NEK1: variants seen among roughly 807,000 people sequenced by gnomAD.
The protein encoded by NEK1 is NIMA related kinase 1, also known as serine/threonine-protein kinase Nek1.
NEK1 carries 137 observed loss-of-function variants against 182.1 expected under a neutral mutation model. The ratio of observed to expected loss-of-function variants is 0.75; its 90% CI spans 0.65 to 0.87. NEK1 has a LOEUF of 0.87. NEK1 is among the 40% of genes least tolerant of loss of function. The probability of loss-of-function intolerance (pLI) is 0.00; values close to 1 mark genes in which losing one functional copy is unlikely to be tolerated. For synonymous variants in NEK1, 513 were observed against 492.2 expected (o/e 1.04, Z -0.56); for missense variants, 1,391 against 1,494.4 (o/e 0.93, Z 1.14).
At chr4:169,607,896 T>C (rs894699678) in intron 2 of NEK1, among the ~76,000 whole-genome samples, 77 of 151,934 alleles carry the variant, frequency 5.1e-4, no homozygotes, top group African/African-American at 1.7e-3. Context: ...AATGAACCAA[T>C]AGAAAATATT....
chr4:169,446,222 C>T (rs114650739), intron 27 of NEK1, among the ~76,000 whole-genome samples: 2,201 of 151,426 alleles, frequency 0.015, 46 homozygotes, highest in African/African-American at 0.05. Context: ...ATCAAACAGA[C>T]ACTAAAAAAA....
At chr4:169,420,348 A>C (rs1386234896) in intron 31 of NEK1, among the ~76,000 whole-genome samples, 1 of 152,178 alleles carries the variant, frequency 6.6e-6, no homozygotes, top group African/African-American at 2.4e-5. Context: ...ACTCCAAAAT[A>C]ATGATAAAAA....
At chr4:169,477,780 T>C (rs111581467) in intron 24 of NEK1, among the ~76,000 whole-genome samples, 286 of 152,102 alleles carry the variant, frequency 1.9e-3, no homozygotes, top group African/African-American at 6.7e-3. Flanking sequence ...TGGTACCTGA[T>C]TTTTTGGTAA....
chr4:169,425,715 G>A (rs866975655), intron 30 of NEK1, among the ~76,000 whole-genome samples: 4 of 151,882 alleles, frequency 2.6e-5, no homozygotes, highest in African/African-American at 9.7e-5. Flanking sequence ...ATGGAGTAGC[G>A]CTATGTTGTC....
Position 169,561,484 on chromosome 4 carries a change from A to C in NEK1, c.1262T>G (p.Val421Gly). ...ATATTGGTATAAAATGCCTACCTTT[A>C]CTTCACCACTTCCACCAGCACTTAG... ...NVLSAGGSGE[V>G]KAPFLGSGGT... is the part of the protein sequence containing the mutation. Residue 421 changes from valine (V) to glycine (G), a missense_variant, in exon 16 of 36, where the codon GTA becomes GGA. Coordinates refer to ENST00000507142, the MANE Select transcript of NEK1 (RefSeq NM_001199397.3). 6.2e-7 allele frequency: 1 copy of C among 1,613,366 alleles called. No homozygotes were observed.
At chr4:169,506,236 TACA>T (rs1391054164) in intron 23 of NEK1, among the ~76,000 whole-genome samples, 1 of 152,126 alleles carries the variant, frequency 6.6e-6, no homozygotes, top group Admixed American at 6.5e-5. Context: ...TAATTACTAA[TACA>T]ACGAGGTACT....
intron 23 of NEK1, among the ~76,000 whole-genome samples, chr4:169,491,833 G>GT (rs1161749448): frequency 6.6e-6 from 1 of 152,188 alleles, no homozygotes; most frequent in African/African-American, 2.4e-5. Flanking sequence ...AGTCCAAAAT[G>GT]TAAAAAGGTA....
chr4:169,403,691 T>C (rs970341950), intron 32 of NEK1, among the ~76,000 whole-genome samples: 3 of 152,186 alleles, frequency 2.0e-5, no homozygotes, highest in Non-Finnish European at 4.4e-5. Flanking sequence ...CCTAGAGGAA[T>C]TAGTACCCTC....
At chr4:169,504,886 T>C (rs928984939) in intron 23 of NEK1, among the ~76,000 whole-genome samples, 17 of 152,174 alleles carry the variant, frequency 1.1e-4, no homozygotes, top group African/African-American at 3.6e-4. Context: ...CTCGATTGTT[T>C]GAAATGCAAA....
intron 27 of NEK1, among the ~76,000 whole-genome samples, chr4:169,445,285 G>A (rs1456531809): frequency 6.6e-6 from 1 of 151,998 alleles, no homozygotes; most frequent in African/African-American, 2.4e-5. Flanking sequence ...AAAAATAGCT[G>A]GTCATGGTGG....
At chr4:169,478,712 T>C (rs1189436492) in intron 24 of NEK1, among the ~76,000 whole-genome samples, 1 of 151,950 alleles carries the variant, frequency 6.6e-6, no homozygotes, top group Admixed American at 6.6e-5. Context: ...AAGGGGAAAA[T>C]GAAGTTATTA....
intron 26 of NEK1, among the ~76,000 whole-genome samples, chr4:169,472,229 C>A (rs1746123470): frequency 6.6e-6 from 1 of 152,120 alleles, no homozygotes; most frequent in Admixed American, 6.5e-5. Context: ...AAACGGCCAT[C>A]CAGTTTTATG....
intron 23 of NEK1, among the ~76,000 whole-genome samples, chr4:169,499,252 C>G (rs1396162199): frequency 6.6e-6 from 1 of 152,184 alleles, no homozygotes; most frequent in Non-Finnish European, 1.5e-5. Flanking sequence ...TCAGCTCCAT[C>G]AGGTTCTTTA....
chr4:169,453,970 A>C (rs1742345372), intron 27 of NEK1, among the ~76,000 whole-genome samples: 1 of 152,178 alleles, frequency 6.6e-6, no homozygotes, highest in African/African-American at 2.4e-5. Context: ...TGGTACTGGT[A>C]CCAAAACAGA....
At chr4:169,406,122 T>C (rs1579334472) in intron 32 of NEK1, among the ~76,000 whole-genome samples, 2 of 152,016 alleles carry the variant, frequency 1.3e-5, no homozygotes, top group African/African-American at 4.8e-5. Context: ...TTTTTTTTTG[T>C]AGAGATGGTG....
intron 12 of NEK1, among the ~76,000 whole-genome samples, chr4:169,571,107 C>A (rs558741263): frequency 1.1e-4 from 17 of 151,846 alleles, no homozygotes; most frequent in Admixed American, 2.6e-4. Flanking sequence ...ATCTGCTGAC[C>A]TTCCCTCCAC....
chr4:169,597,882 C>T (rs1212936520), intron 5 of NEK1, among the ~76,000 whole-genome samples: 2 of 151,644 alleles, frequency 1.3e-5, no homozygotes, highest in South Asian at 2.1e-4. Context: ...TGCAGTGAGT[C>T]GAGATTGTGC....
intron 19 of NEK1, among the ~76,000 whole-genome samples, chr4:169,522,695 T>C (rs1756280263): frequency 6.6e-6 from 1 of 152,300 alleles, no homozygotes; most frequent in East Asian, 1.9e-4. Flanking sequence ...GAGACTTCCA[T>C]GGTGGAGGTA....
intron 5 of NEK1, among the ~76,000 whole-genome samples, chr4:169,597,237 T>C (rs562426616): frequency 1.3e-5 from 2 of 152,328 alleles, no homozygotes; most frequent in South Asian, 4.1e-4. Flanking sequence ...ATCTCCCTAT[T>C]AACAAATGAG....
Sources: allele counts gnomAD v4.1 joint callset (sites outside exome capture counted in the v4.1 genomes callset), GRCh38; gene constraint gnomAD v4.1.1; transcripts MANE v1.5; gene names NCBI Gene and HGNC (gene_info 2026-07-23, HGNC 2026-07-21).